The following SOX5 variants were observed in gnomAD, a reference collection of about 807,000 sequenced individuals.
SOX5 encodes the protein transcription factor SOX-5.
A neutral mutation model predicts 92.0 loss-of-function variants in SOX5; 9 were observed. The observed-to-expected ratio is 0.10, with a 90% CI of 0.06 to 0.17. The LOEUF (loss-of-function observed/expected upper bound fraction) is 0.17. Ranked by LOEUF, SOX5 falls within the 10% of genes least tolerant of loss-of-function variation. The probability of loss-of-function intolerance (pLI) is 1.00; values close to 1 mark genes in which losing one functional copy is unlikely to be tolerated. For missense variants in SOX5, 642 were observed against 944.5 expected, an observed-to-expected ratio of 0.68 and a Z score of 4.20; for synonymous variants, 344 against 336.3, an observed-to-expected ratio of 1.02 and a Z score of -0.25.
intron 1 of SOX5, among the ~76,000 whole-genome samples, chr12:23,900,585 T>TG (rs1303437903): frequency 6.6e-6 from 1 of 152,182 alleles, no homozygotes; most frequent in Admixed American, 6.5e-5. Context: ...CTGATGTTAT[T>TG]GGTTCTGGAG....
At chr12:23,583,021 G>A (rs541587944) in intron 9 of SOX5, among the ~76,000 whole-genome samples, 9 of 151,986 alleles carry the variant, frequency 5.9e-5, no homozygotes, top group Non-Finnish European at 1.0e-4. Context: ...AATTATACAC[G>A]CAAGCACACA....
intron 10 of SOX5, among the ~76,000 whole-genome samples, chr12:23,574,534 C>G (rs1392620384): frequency 6.6e-6 from 1 of 152,138 alleles, no homozygotes; most frequent in African/African-American, 2.4e-5. Flanking sequence ...TATGTCAATT[C>G]TTCCTTGATT....
intron 1 of SOX5, among the ~76,000 whole-genome samples, chr12:24,401,673 G>A (rs1961653043): frequency 7.6e-6 from 1 of 132,322 alleles, no homozygotes; most frequent in Admixed American, 8.8e-5. Context: ...GAGCCACTTC[G>A]CTCCAGCCTG....
chr12:24,005,737 GTGAA>G (rs1322182393), intron 4 of SOX5, among the ~76,000 whole-genome samples: 2 of 152,254 alleles, frequency 1.3e-5, no homozygotes, highest in Non-Finnish European at 2.9e-5. Flanking sequence ...TACTCATTGA[GTGAA>G]TGAATGATGT....
intron 6 of SOX5, among the ~76,000 whole-genome samples, chr12:23,677,382 T>C (rs1254243685): frequency 6.6e-6 from 1 of 152,202 alleles, no homozygotes; most frequent in Non-Finnish European, 1.5e-5. Flanking sequence ...TGTAAGCTTA[T>C]TAGCAAATCA....
At chr12:24,204,953 G>A (rs1162331445) in intron 4 of SOX5, among the ~76,000 whole-genome samples, 1 of 151,966 alleles carries the variant, frequency 6.6e-6, no homozygotes, top group Non-Finnish European at 1.5e-5. Context: ...AAAGGAAGAA[G>A]AACAGAAAAA....
Position 24,413,072 on chromosome 12 carries a change from G to A in SOX5, c.-250-44433C>T, listed in dbSNP as rs191461795. 3.2e-4 allele frequency among the ~76,000 whole-genome samples: 48 copies of A among 152,216 alleles called. No individual in the cohort carries two copies. The East Asian group carries it at 7.7e-3, about 24-fold the overall frequency. On this transcript the variant is annotated intron_variant, in intron 1 of 4. Transcript: ENST00000446891. ...GCCCGGCCTCAGTTAGATTTTCTTG[G>A]TTACCAACGTTGAGGTTCCTCTATA...
intron 7 of SOX5, among the ~76,000 whole-genome samples, chr12:23,647,015 T>C (rs1220865431): frequency 6.6e-6 from 1 of 152,250 alleles, no homozygotes; most frequent in Non-Finnish European, 1.5e-5. Context: ...TAGAAGGTTT[T>C]CAATAATTAC....
intron 3 of SOX5, among the ~76,000 whole-genome samples, chr12:23,786,588 T>TAA (rs1268237626): frequency 2.0e-5 from 3 of 146,934 alleles, no homozygotes; most frequent in Non-Finnish European, 3.0e-5. Context: ...CATAGTGCTT[T>TAA]TGTAGGAGAT....
chr12:23,638,286 G>C (rs1347785397), intron 8 of SOX5: 5 of 152,168 alleles, frequency 3.3e-5, no homozygotes, highest in African/African-American at 1.2e-4. Context: ...CTTATTTCTG[G>C]TCTCTAGAGC....
chr12:23,897,781 C>T (rs2097192087), intron 1 of SOX5, among the ~76,000 whole-genome samples: 1 of 152,130 alleles, frequency 6.6e-6, no homozygotes, highest in Non-Finnish European at 1.5e-5. Flanking sequence ...GTGTTCAAAA[C>T]AAAATCTTAA....
rs1273385654 is a variant in SOX5, at chr12:23,531,911, GTA to G, written c.*2306_*2307del. ...TGTGGGTAAATGTGTGTGTGTGTGT[GTA>G]TATGTGTGTATATATATGTATATAT... is the stretch of plus-strand genomic sequence containing the variant. On this transcript the variant is annotated 3_prime_UTR_variant, in exon 15 of 15. Coordinates refer to ENST00000451604, the MANE Select transcript of SOX5 (RefSeq NM_006940.6). 2 of 148,788 alleles carry G rather than the reference GTA, an allele frequency of 1.3e-5. No individual in the cohort carries two copies. The highest frequency in any genetic ancestry group is 2.5e-5 in the African/African-American group (1 of 40,716). 9.2% of individuals were successfully genotyped at this position (148,788 alleles called of 1,614,324 possible).
intron 6 of SOX5, among the ~76,000 whole-genome samples, chr12:23,709,750 G>A (rs2140342481): frequency 6.6e-6 from 1 of 152,180 alleles, no homozygotes; most frequent in Admixed American, 6.6e-5. Context: ...ATGTCTGTTT[G>A]ACTTACATAC....
At chr12:23,593,015 G>T (rs1338712422) in intron 9 of SOX5, among the ~76,000 whole-genome samples, 1 of 152,032 alleles carries the variant, frequency 6.6e-6, no homozygotes. Context: ...GGAGGCAAAG[G>T]TTGCAGTGAG....
chr12:24,522,156 C>T (rs1309759520), intron 1 of SOX5, among the ~76,000 whole-genome samples: 1 of 150,460 alleles, frequency 6.6e-6, no homozygotes, highest in African/African-American at 2.4e-5. Context: ...TAAATGCCAA[C>T]AAAGTGGATA....
rs930974011 is a variant in SOX5, at chr12:23,987,860, G to T, written c.-1-91836C>A. On this transcript the variant is annotated intron_variant, in intron 4 of 4. Transcript: ENST00000446891. ...ATAGATGATGGGAATTCATTGAAAG[G>T]TTAAAGACAAGAGAAAGATACAGTT... Among the ~76,000 whole-genome samples, 30 of 152,148 alleles carry T rather than the reference G, an allele frequency of 2.0e-4. 1 individual carries two copies.
chr12:23,970,283 T>TTTAATGTGCATATATG (rs1948079245), intron 4 of SOX5, among the ~76,000 whole-genome samples: 1 of 151,998 alleles, frequency 6.6e-6, no homozygotes, highest in Admixed American at 6.5e-5. Context: ...GCATATAGAA[T>TTTAATGTGCATATATG]TTAATGTGTA....
chr12:23,533,343 T>C lies in SOX5; in HGVS notation c.*876A>G, dbSNP rs1288799928. On this transcript the variant is annotated 3_prime_UTR_variant, in exon 15 of 15. Transcript: ENST00000451604. ...TCTCTTTTCACCTGAGAACAGCACCTACAGTTTCCATTAAAAAAAAAAGTC... is the reference window on the plus strand; with the variant it reads ...TCTCTTTTCACCTGAGAACAGCACCCACAGTTTCCATTAAAAAAAAAAGTC... The C allele has an allele frequency of 3.8e-6, 1 of 262,114 alleles. No individual in the cohort carries two copies. The highest frequency in any genetic ancestry group is 2.3e-5 in the African/African-American group (1 of 44,326). The allele number at this position is 262,114 out of a possible 1,614,324, so 16.2% of individuals were successfully genotyped here.
chr12:24,161,051 G>T (rs11830565), intron 4 of SOX5, among the ~76,000 whole-genome samples: 16 of 152,062 alleles, frequency 1.1e-4, no homozygotes, highest in African/African-American at 3.4e-4. Context: ...GATTCTATTT[G>T]TTGGGGACAT....
Sources: gnomAD v4.1 joint callset for allele counts (sites outside exome capture counted in the v4.1 genomes callset) on GRCh38, gnomAD v4.1.1 for gene constraint, MANE v1.5 for transcripts, NCBI Gene and HGNC (gene_info 2026-07-23, HGNC 2026-07-21) for gene names.